Variants in EXOC2 observed in about 807,000 individuals in gnomAD.
EXOC2 encodes exocyst complex component 2.
A neutral mutation model predicts 131.8 loss-of-function variants in EXOC2; 70 were observed. The ratio of observed to expected loss-of-function variants is 0.53; its 90% confidence interval spans 0.44 to 0.65. The LOEUF (loss-of-function observed/expected upper bound fraction) is 0.65. Among genes scored for constraint, EXOC2 ranks in the 30% least tolerant of loss-of-function variants. The pLI is 0.00. For missense variants in EXOC2, 923 were observed against 1,108.6 expected (o/e 0.83, Z 2.38); for synonymous variants, 411 against 398.4 (o/e 1.03, Z -0.38).
intron 7 of EXOC2, among the ~76,000 whole-genome samples, chr6:605,206 T>A (rs1211198050): frequency 6.6e-6 from 1 of 152,218 alleles, no homozygotes; most frequent in African/African-American, 2.4e-5. Flanking sequence ...CTTTGCACAG[T>A]GTGCAGGGCT....
chr6:527,280 G>A lies in EXOC2; in HGVS notation c.2380+5189C>T, dbSNP rs78130276. 9.3e-4 allele frequency among the ~76,000 whole-genome samples: 142 copies of A among 152,192 alleles called. No homozygotes were observed. The East Asian group carries it at 0.023, about 25-fold the overall frequency. On this transcript the variant is annotated intron_variant, in intron 23 of 27. Transcript: ENST00000230449. ...TTTTCTTATTCTCTAGAAATTCTAC[G>A]CTGGACCTGAGCTTTGAATGATTTA... is the stretch of plus-strand genomic sequence containing the variant.
At chr6:498,113 TTC>T (rs1414240382) in intron 24 of EXOC2, among the ~76,000 whole-genome samples, 1 of 152,250 alleles carries the variant, frequency 6.6e-6, no homozygotes, top group African/African-American at 2.4e-5. Flanking sequence ...AAATCATATT[TTC>T]TTTTTAAGCT....
At chr6:584,110 C>T (rs1056575970) in intron 11 of EXOC2, among the ~76,000 whole-genome samples, 2 of 152,136 alleles carry the variant, frequency 1.3e-5, no homozygotes, top group African/African-American at 4.8e-5. Flanking sequence ...AAAGATTTAG[C>T]ACATATACAA....
intron 1 of EXOC2, among the ~76,000 whole-genome samples, chr6:644,201 CATCA>C (rs1762479928): frequency 6.6e-6 from 1 of 152,074 alleles, no homozygotes; most frequent in Non-Finnish European, 1.5e-5. Context: ...GTTTTTCAGA[CATCA>C]ATCACTGTGA....
In EXOC2 at chr6:619,545, TGA is replaced by T; in HGVS notation, c.423-4_423-3del. The T allele has an allele frequency of 6.2e-7, 1 of 1,607,198 alleles. No homozygotes were observed. On this transcript the variant is annotated splice_region_variant and splice_polypyrimidine_tract_variant and intron_variant, in intron 4 of 27. Coordinates refer to ENST00000230449, the MANE Select transcript of EXOC2 (RefSeq NM_018303.6). ...AAGTCCTTCTGCGAAAATTTACTTC[TGA>T]GGGGAAAAAACGTTTAAAATATATT...
chr6:651,284 C>A (rs1316605398), intron 1 of EXOC2, among the ~76,000 whole-genome samples: 1 of 152,052 alleles, frequency 6.6e-6, no homozygotes, highest in Admixed American at 6.5e-5. Flanking sequence ...CCTCCTGCCT[C>A]GGCCTCCCAA....
At chr6:567,820 G>A (rs1758058419) in intron 13 of EXOC2, among the ~76,000 whole-genome samples, 1 of 152,220 alleles carries the variant, frequency 6.6e-6, no homozygotes, top group Non-Finnish European at 1.5e-5. Flanking sequence ...ACTTAAGAAA[G>A]TGTAACTGCC....
chr6:676,755 G>A (rs79442317), intron 1 of EXOC2, among the ~76,000 whole-genome samples: 87 of 63,364 alleles, frequency 1.4e-3, no homozygotes, highest in East Asian at 8.8e-3. Flanking sequence ...ATACTCTTCA[G>A]CATTACGGAA....
intron 11 of EXOC2, among the ~76,000 whole-genome samples, chr6:581,307 A>C (rs1298513744): frequency 7.2e-5 from 11 of 152,144 alleles, no homozygotes; most frequent in Non-Finnish European, 1.0e-4. Context: ...AAAAAAAAAA[A>C]AAAAAGTAAC....
At chr6:605,551 C>T (rs1395879921) in intron 7 of EXOC2, among the ~76,000 whole-genome samples, 1 of 151,894 alleles carries the variant, frequency 6.6e-6, no homozygotes, top group Non-Finnish European at 1.5e-5. Flanking sequence ...TGGTGATATC[C>T]CCTTTATCAT....
chr6:653,598 G>T (rs1016129893), intron 1 of EXOC2, among the ~76,000 whole-genome samples: 1 of 152,224 alleles, frequency 6.6e-6, no homozygotes, highest in Non-Finnish European at 1.5e-5. Flanking sequence ...GTAGTTAGAG[G>T]ATGGTTCATA....
At chr6:486,996 A>T (rs143036965) in intron 27 of EXOC2, among the ~76,000 whole-genome samples, 1 of 152,332 alleles carries the variant, frequency 6.6e-6, no homozygotes, top group East Asian at 1.9e-4. Context: ...TCTCCTTCCT[A>T]TCCCCTCCCA....
intron 25 of EXOC2, among the ~76,000 whole-genome samples, chr6:492,220 C>G (rs544172432): frequency 1.3e-5 from 2 of 152,350 alleles, no homozygotes; most frequent in African/African-American, 2.4e-5. Flanking sequence ...TGAGGTATCA[C>G]TTCACACCCA....
intron 2 of EXOC2, 132 bp downstream of exon 2, chr6:637,569 T>C: frequency 1.7e-6 from 1 of 591,552 alleles, no homozygotes. Flanking sequence ...CTTTCGTCTT[T>C]TTGGAGCATT....
intron 21 of EXOC2, among the ~76,000 whole-genome samples, chr6:550,172 C>A (rs939901343): frequency 6.6e-6 from 1 of 152,220 alleles, no homozygotes; most frequent in African/African-American, 2.4e-5. Context: ...TGAGTTAGAT[C>A]CTTTGACTAA....
At chr6:556,394 G>T in intron 18 of EXOC2, 90 bp downstream of exon 18, 1 of 1,286,296 alleles carries the variant, frequency 7.8e-7, no homozygotes, top group South Asian at 1.3e-5. Flanking sequence ...AGGGAGAAAA[G>T]ATCTTGCAGT....
intron 1 of EXOC2, among the ~76,000 whole-genome samples, chr6:653,951 G>A (rs1187804089): frequency 6.6e-6 from 1 of 152,162 alleles, no homozygotes; most frequent in African/African-American, 2.4e-5. Flanking sequence ...TAAGAATTAT[G>A]ATAAATCTAC....
intron 1 of EXOC2, among the ~76,000 whole-genome samples, chr6:671,048 CAAA>C (rs376028047): frequency 1.2e-5 from 1 of 84,112 alleles, no homozygotes; most frequent in Non-Finnish European, 2.2e-5. Context: ...GACTCCATCT[CAAA>C]AAAAAAAAAA....
intron 11 of EXOC2, among the ~76,000 whole-genome samples, chr6:586,834 C>A (rs76133082): frequency 1.3e-5 from 2 of 152,112 alleles, no homozygotes; most frequent in African/African-American, 2.4e-5. Context: ...TCTGGACACC[C>A]ACTAGTCCCA....
Sources: gnomAD v4.1 joint callset for allele counts (sites outside exome capture counted in the v4.1 genomes callset) on GRCh38, gnomAD v4.1.1 for gene constraint, MANE v1.5 for transcripts, NCBI Gene and HGNC (gene_info 2026-07-23, HGNC 2026-07-21) for gene names.